The following STARD3 variants were observed in gnomAD, a reference collection of about 807,000 sequenced individuals.
STARD3 encodes the protein StAR related lipid transfer domain containing 3.
A neutral mutation model predicts 62.0 loss-of-function variants in STARD3; 39 were observed. The observed-to-expected ratio is 0.63, with a 90% CI of 0.49 to 0.82. The LOEUF (loss-of-function observed/expected upper bound fraction) is 0.82, where lower values mean the gene tolerates loss of function less well. STARD3 is among the 40% of genes least tolerant of loss of function. The pLI, the probability that STARD3 is intolerant of heterozygous loss-of-function variation, is 0.00. For synonymous variants in STARD3, 229 were observed against 242.4 expected (o/e 0.94, Z 0.51); for missense variants, 543 against 584.5 (o/e 0.93, Z 0.73).
chr17:39,647,771 A>G (rs1388928364), intron 1 of STARD3, among the ~76,000 whole-genome samples: 1 of 152,212 alleles, frequency 6.6e-6, no homozygotes, highest in African/African-American at 2.4e-5. Flanking sequence ...TACCCATAGC[A>G]GTCTGGTTTT....
At chr17:39,657,950 T>TCCTCCCTC (rs751778807) in intron 4 of STARD3, 23 bp from the exon 5 acceptor site, 1 of 1,603,886 alleles carries the variant, frequency 6.2e-7, no homozygotes, top group African/African-American at 1.3e-5. Context: ...GCCTTCCCCT[T>TCCTCCCTC]CCTCCCTCCC....
intron 1 of STARD3, among the ~76,000 whole-genome samples, chr17:39,643,093 A>G (rs1316791714): frequency 1.3e-5 from 2 of 152,114 alleles, no homozygotes; most frequent in African/African-American, 4.8e-5. Flanking sequence ...GAAGGGGTGA[A>G]GACAAGAAAG....
At chr17:39,659,014 A>T in intron 7 of STARD3, 37 bp from the exon 8 acceptor site, 1 of 1,612,424 alleles carries the variant, frequency 6.2e-7, no homozygotes, top group Non-Finnish European at 8.5e-7. Flanking sequence ...CTCTCTCCCC[A>T]CCCCTTGCCA....
chr17:39,662,765 G>A (rs1450264496), intron 14 of STARD3, 39 bp from the exon 15 acceptor site: 1 of 1,568,446 alleles, frequency 6.4e-7, no homozygotes, highest in Non-Finnish European at 8.7e-7. Context: ...CCTGCTGAGG[G>A]CAGGCCATCA....
intron 1 of STARD3, among the ~76,000 whole-genome samples, chr17:39,641,508 C>T (rs186777927): frequency 7.1e-4 from 108 of 152,220 alleles, no homozygotes; most frequent in Admixed American, 4.3e-3. Flanking sequence ...AGGGTCTACC[C>T]TTCCATTCTG....
At chr17:39,650,304 G>T (rs1341106900) in intron 1 of STARD3, among the ~76,000 whole-genome samples, 1 of 152,184 alleles carries the variant, frequency 6.6e-6, no homozygotes, top group Non-Finnish European at 1.5e-5. Context: ...GGCGTTTGTG[G>T]CTACAAGCTG....
Position 39,653,169 on chromosome 17 carries a change from G to A in STARD3, c.-51-312G>A, listed in dbSNP as rs1385466681. Reference sequence around the variant, plus strand: ...TCAGGGCTAGGCCTGGTAGGAGCAGGCTACAGCCCCAGGGATCCAGGAGGG... The same window carrying A: ...TCAGGGCTAGGCCTGGTAGGAGCAGACTACAGCCCCAGGGATCCAGGAGGG... On this transcript the variant is annotated intron_variant, in intron 1 of 14. Transcript: ENST00000336308. 4 of 350,556 alleles carry A rather than the reference G, an allele frequency of 1.1e-5. No individual in the cohort carries two copies. In the East Asian group the frequency reaches 2.6e-4, roughly 23 times the overall value. 21.7% of individuals were successfully genotyped at this position (350,556 alleles called of 1,614,324 possible).
chr17:39,641,737 C>A (rs189854623), intron 1 of STARD3, among the ~76,000 whole-genome samples: 1 of 152,300 alleles, frequency 6.6e-6, no homozygotes, highest in African/African-American at 2.4e-5. Flanking sequence ...TTCAGAGAAA[C>A]CCAGTGATTT....
In STARD3 at chr17:39,660,822, G is replaced by A; in HGVS notation, c.967G>A (p.Val323Met). 1 of 1,588,544 alleles carries A rather than the reference G, an allele frequency of 6.3e-7. No homozygotes were observed. The highest frequency in any genetic ancestry group is 8.6e-7 in the Non-Finnish European group (1 of 1,166,810). ...TGACGGCCCTCAGATCCTGCAGCGA[G>A]TGGAAGACAACACCCTCATCTCCTA... is the stretch of plus-strand genomic sequence containing the variant. ...TVTACQILQR[V>M]EDNTLISYDV... is the part of the protein sequence containing the mutation. Residue 323 changes from valine to methionine, a missense_variant, in exon 12 of 15, where the codon GTG (valine) becomes ATG (methionine). Transcript: ENST00000336308. This position sits in a 1 kb window ranked among gnomAD's most constrained non-coding sequence, Gnocchi z 4.8.
intron 1 of STARD3, among the ~76,000 whole-genome samples, chr17:39,644,422 G>A (rs1375243400): frequency 2.6e-5 from 4 of 152,072 alleles, no homozygotes; most frequent in South Asian, 2.1e-4. Flanking sequence ...TCCTAGGCAC[G>A]CTATAGTTAT....
chr17:39,662,591 C>T, intron 14 of STARD3: 1 of 630,424 alleles, frequency 1.6e-6, no homozygotes. Context: ...TGGTGGCCAG[C>T]CCGGCCCCAC....
At chr17:39,662,073 G>A (rs74446291) in intron 13 of STARD3, among the ~76,000 whole-genome samples, 178 bp from the exon 14 acceptor site, 2 of 152,080 alleles carry the variant, frequency 1.3e-5, no homozygotes, top group African/African-American at 2.4e-5. Context: ...GTGGAGGGCC[G>A]ATTCTGCAGC....
intron 1 of STARD3, among the ~76,000 whole-genome samples, chr17:39,649,879 A>T (rs1299797422): frequency 6.6e-6 from 1 of 151,872 alleles, no homozygotes; most frequent in African/African-American, 2.4e-5. Flanking sequence ...AAAAAAAAAA[A>T]AAAAAAGATA....
chr17:39,653,955 C>T (rs1303904244), intron 2 of STARD3, among the ~76,000 whole-genome samples: 1 of 152,144 alleles, frequency 6.6e-6, no homozygotes, highest in Non-Finnish European at 1.5e-5. Flanking sequence ...GGCCAAGGTC[C>T]CTCTGCACCC....
chr17:39,647,495 G>C (rs1175378330), intron 1 of STARD3, among the ~76,000 whole-genome samples: 1 of 152,178 alleles, frequency 6.6e-6, no homozygotes, highest in African/African-American at 2.4e-5. Flanking sequence ...TGGGTGTGGT[G>C]GGTGGAGGCC....
At chr17:39,652,679 CAG>C (rs1156769220) in intron 1 of STARD3, 1 of 152,734 alleles carries the variant, frequency 6.5e-6, no homozygotes, top group South Asian at 2.1e-4. Flanking sequence ...GGCAGCAAGA[CAG>C]AGAGAAGGGC....
intron 1 of STARD3, among the ~76,000 whole-genome samples, chr17:39,647,019 G>A (rs1164094525): frequency 6.6e-6 from 1 of 152,042 alleles, no homozygotes; most frequent in East Asian, 1.9e-4. Flanking sequence ...GGCCAACATG[G>A]TGAAACCCCA....
chr17:39,638,963 G>C (rs1408658655), intron 1 of STARD3, among the ~76,000 whole-genome samples: 1 of 152,130 alleles, frequency 6.6e-6, no homozygotes, highest in Non-Finnish European at 1.5e-5. Context: ...AACATAGTGA[G>C]ACCCCATCGC....
rs2057165572 is a variant in STARD3 at position 39,659,107 on chromosome 17, G to A, written c.702+1G>A. Reference sequence around the variant, plus strand: ...TGGGAAGAAAAGTTTCTCTGCTCAGGTATTTGCCTGCCTACCCCTAACCCC... The same window carrying A: ...TGGGAAGAAAAGTTTCTCTGCTCAGATATTTGCCTGCCTACCCCTAACCCC... On this transcript the variant is annotated splice_donor_variant, in intron 8 of 14. Coordinates refer to ENST00000336308, the MANE Select transcript of STARD3 (RefSeq NM_006804.4). LOFTEE classifies it high-confidence loss of function. 1 of 1,614,220 alleles carries A rather than the reference G, an allele frequency of 6.2e-7. No individual in the cohort carries two copies. Among genetic ancestry groups the A allele is most frequent in the Non-Finnish European group, 8.5e-7 (1 of 1,180,028 alleles).
Sources: gnomAD v4.1 joint callset for allele counts (sites outside exome capture counted in the v4.1 genomes callset) on GRCh38, gnomAD v4.1.1 for gene constraint, Gnocchi (gnomAD v3.1) non-coding constraint, MANE v1.5 for transcripts, NCBI Gene and HGNC (gene_info 2026-07-23, HGNC 2026-07-21) for gene names.